ARHGAP15: variants seen among roughly 807,000 people sequenced by gnomAD.
The protein encoded by ARHGAP15 is Rho GTPase activating protein 15.
In ARHGAP15, 51 loss-of-function variants were observed where a neutral mutation model predicts 63.7. That is an observed-to-expected ratio of 0.80 (90% CI 0.64 to 1.01). The LOEUF is 1.01. Ranked by LOEUF, ARHGAP15 falls within the 50% of genes least tolerant of loss-of-function variation. ARHGAP15 has a pLI of 0.00. For synonymous variants in ARHGAP15, 191 were observed against 193.8 expected (o/e 0.99, Z 0.12); for missense variants, 560 against 564.6 (o/e 0.99, Z 0.08).
At position 143,159,293 on chromosome 2, in the gene ARHGAP15, C is replaced by T. The variant is rs72849950; in HGVS notation, c.165+3638C>T. 4.1e-3 allele frequency among the ~76,000 whole-genome samples: 617 copies of T among 151,946 alleles called. 8 individuals are homozygous for T. Among genetic ancestry groups the T allele is most frequent in the South Asian group, 0.03 (147 of 4,830 alleles). The stretch of plus-strand genomic sequence containing the variant: ...AACAATTTTCTTTTGTTTCTTACTT[C>T]TGTGATTATAGGATACTTGCCAAAG... On this transcript the variant is annotated intron_variant, in intron 2 of 13. Transcript: ENST00000295095.
chr2:143,726,481 G>A (rs937884995), intron 13 of ARHGAP15, among the ~76,000 whole-genome samples: 1 of 152,004 alleles, frequency 6.6e-6, no homozygotes, highest in African/African-American at 2.4e-5. Flanking sequence ...CTGGTCTATA[G>A]GAAAGATTCC....
chr2:143,135,032 A>G (rs1689081933), intron 1 of ARHGAP15, among the ~76,000 whole-genome samples: 1 of 152,196 alleles, frequency 6.6e-6, no homozygotes, highest in Non-Finnish European at 1.5e-5. Flanking sequence ...AAGGAATGAA[A>G]ATAAAGGAAC....
At chr2:143,295,100 A>G (rs931473564) in intron 6 of ARHGAP15, among the ~76,000 whole-genome samples, 6 of 152,072 alleles carry the variant, frequency 3.9e-5, no homozygotes, top group Admixed American at 1.3e-4. Flanking sequence ...CCAAAGCCAT[A>G]TGGTAAGCAT....
intron 10 of ARHGAP15, among the ~76,000 whole-genome samples, chr2:143,537,584 G>C (rs1002750380): frequency 6.6e-6 from 1 of 152,196 alleles, no homozygotes; most frequent in African/African-American, 2.4e-5. Flanking sequence ...TCCAGTTTCA[G>C]CTTCCTACAT....
intron 12 of ARHGAP15, among the ~76,000 whole-genome samples, chr2:143,657,797 TTTGATTTG>T (rs1408166152): frequency 1.3e-5 from 2 of 152,212 alleles, no homozygotes; most frequent in African/African-American, 2.4e-5. Flanking sequence ...CCCCTCCTGA[TTTGATTTG>T]TTGATTTGTC....
At chr2:143,323,893 T>TA in intron 6 of ARHGAP15, among the ~76,000 whole-genome samples, 1 of 8,818 alleles carries the variant, frequency 1.1e-4, no homozygotes, top group African/African-American at 1.2e-3. Flanking sequence ...AGACTCCGTC[T>TA]CAAAAAAAAA....
At chr2:143,379,244 C>G (rs1231778466) in intron 6 of ARHGAP15, among the ~76,000 whole-genome samples, 2 of 151,886 alleles carry the variant, frequency 1.3e-5, no homozygotes, top group Non-Finnish European at 2.9e-5. Context: ...AATCACCATC[C>G]AAGCATCCAA....
chr2:143,550,994 A>G (rs1401661450), intron 10 of ARHGAP15, among the ~76,000 whole-genome samples: 1 of 152,200 alleles, frequency 6.6e-6, no homozygotes, highest in East Asian at 1.9e-4. Context: ...AAATAGGCAA[A>G]TTAACTCAAT....
intron 13 of ARHGAP15, among the ~76,000 whole-genome samples, chr2:143,733,288 C>T (rs1685619630): frequency 6.6e-6 from 1 of 152,112 alleles, no homozygotes. Context: ...CTGAGTTGAG[C>T]CCTTTCTAGG....
At chr2:143,496,114 G>C (rs920533460) in intron 9 of ARHGAP15, among the ~76,000 whole-genome samples, 1 of 152,094 alleles carries the variant, frequency 6.6e-6, no homozygotes, top group Non-Finnish European at 1.5e-5. Context: ...CGGCCTACAA[G>C]CTTCCTGGTT....
At chr2:143,148,911 T>A (rs1204839319) in intron 1 of ARHGAP15, among the ~76,000 whole-genome samples, 1 of 152,014 alleles carries the variant, frequency 6.6e-6, no homozygotes, top group Non-Finnish European at 1.5e-5. Context: ...GCTATTTTGG[T>A]AAATGGCTGC....
chr2:143,398,763 G>A (rs1687875158), intron 6 of ARHGAP15, among the ~76,000 whole-genome samples: 1 of 107,168 alleles, frequency 9.3e-6, no homozygotes, highest in East Asian at 2.7e-4. Flanking sequence ...TATAATAAAT[G>A]AAAAAAATCC....
intron 13 of ARHGAP15, among the ~76,000 whole-genome samples, chr2:143,765,675 T>C (rs1013497438): frequency 5.9e-5 from 9 of 152,144 alleles, no homozygotes; most frequent in South Asian, 2.1e-4. Flanking sequence ...ATTCAGACCT[T>C]CTTACGATGG....
At chr2:143,709,030 T>G (rs1208576472) in intron 13 of ARHGAP15, among the ~76,000 whole-genome samples, 2 of 152,198 alleles carry the variant, frequency 1.3e-5, no homozygotes, top group Non-Finnish European at 2.9e-5. Context: ...CTAGGCCTGG[T>G]GCTGCCCTTT....
Position 143,413,966 on chromosome 2 carries a change from T to TGTGTGTGCGCGCGCGCGCGC in ARHGAP15, c.475-21634_475-21633insTGTGTGCGCGCGCGCGCGCG. On this transcript the variant is annotated intron_variant, in intron 6 of 13. Coordinates refer to ENST00000295095, the MANE Select transcript of ARHGAP15 (RefSeq NM_018460.4). Reference sequence around the variant, plus strand: ...GTGTGTGTGTGTGTGTGTGTGTGTGTGCGCGCTCTCTGGCAGAAAGTTAAT... The same window carrying TGTGTGTGCGCGCGCGCGCGC: ...GTGTGTGTGTGTGTGTGTGTGTGTGTGTGTGTGCGCGCGCGCGCGCGCGCGCTCTCTGGCAGAAAGTTAAT... Among the ~76,000 whole-genome samples, 354 of 117,884 alleles carry TGTGTGTGCGCGCGCGCGCGC rather than the reference T, an allele frequency of 3.0e-3. 1 individual carries two copies. Among genetic ancestry groups the TGTGTGTGCGCGCGCGCGCGC allele is most frequent in the African/African-American group, 8.9e-3 (251 of 28,212 alleles). The allele number at this position is 117,884 out of a possible 152,430, so 77.3% of individuals were successfully genotyped here.
At chr2:143,465,464 C>T (rs1370812260) in intron 8 of ARHGAP15, among the ~76,000 whole-genome samples, 14 of 152,064 alleles carry the variant, frequency 9.2e-5, no homozygotes, top group Non-Finnish European at 1.5e-5. Context: ...CATATATGGG[C>T]TATTGAAAAT....
At chr2:143,169,234 C>T (rs1690668880) in intron 2 of ARHGAP15, among the ~76,000 whole-genome samples, 1 of 152,036 alleles carries the variant, frequency 6.6e-6, no homozygotes, top group African/African-American at 2.4e-5. Flanking sequence ...GGGGCTGGTT[C>T]CCCAAGAAGC....
Position 143,154,052 on chromosome 2 carries a change from T to C in ARHGAP15, c.-14-1425T>C, listed in dbSNP as rs893976741. On this transcript the variant is annotated intron_variant, in intron 1 of 13. Coordinates refer to ENST00000295095, the MANE Select transcript of ARHGAP15 (RefSeq NM_018460.4). The stretch of plus-strand genomic sequence containing the variant: ...ATGTGTCTATCTGTTCACCTGTTGA[T>C]AGACATATGGGTCTTCTTTTGGGAA... Among the ~76,000 whole-genome samples, 11 of 151,826 alleles carry C rather than the reference T, an allele frequency of 7.2e-5. 1 individual carries two copies. The South Asian group carries it at 2.3e-3, about 32-fold the overall frequency.
At chr2:143,595,794 C>G (rs539433512) in intron 11 of ARHGAP15, among the ~76,000 whole-genome samples, 8 of 152,074 alleles carry the variant, frequency 5.3e-5, no homozygotes, top group Admixed American at 2.0e-4. Flanking sequence ...TTTTCTTTGT[C>G]CCTTATTCTA....
Sources: allele counts gnomAD v4.1 joint callset (sites outside exome capture counted in the v4.1 genomes callset), GRCh38; gene constraint gnomAD v4.1.1; transcripts MANE v1.5; gene names NCBI Gene and HGNC (gene_info 2026-07-23, HGNC 2026-07-21).